Variants in CNKSR2 observed in about 807,000 individuals in gnomAD.
CNKSR2 encodes CNK homolog protein 2.
CNKSR2 carries 14 observed loss-of-function variants against 84.4 expected under a neutral mutation model. The observed-to-expected ratio is 0.17, with a 90% confidence interval of 0.11 to 0.26. CNKSR2 has a LOEUF of 0.26. Among genes scored for constraint, CNKSR2 ranks in the 10% least tolerant of loss-of-function variants. CNKSR2 has a pLI of 1.00. For missense variants in CNKSR2, 485 were observed against 771.2 expected (o/e 0.63, Z 4.40); for synonymous variants, 275 against 277.9 (o/e 0.99, Z 0.10).
chrX:21,604,264 A>T (rs1350718807), intron 18 of CNKSR2, among the ~76,000 whole-genome samples: 2 of 110,126 alleles, frequency 1.8e-5, no homozygotes, highest in Non-Finnish European at 3.8e-5. Flanking sequence ...TGAATTGAAC[A>T]ATGAGAACAC....
At chrX:21,606,308 A>G (rs932404140) in intron 18 of CNKSR2, among the ~76,000 whole-genome samples, 1 of 112,348 alleles carries the variant, frequency 8.9e-6, no homozygotes, top group South Asian at 3.7e-4. Context: ...AACTGAAGCC[A>G]GAGAAGAGAA....
In CNKSR2 at chrX:21,374,449, G is replaced by T; in HGVS notation, c.-449G>T. On this transcript the variant is annotated 5_prime_UTR_variant, in exon 1 of 22. Coordinates refer to ENST00000379510, the MANE Select transcript of CNKSR2 (RefSeq NM_014927.5). ...TCCGCCGGGCAGCTAGTCGTGCTCG[G>T]GGCTTCACTCCCGCGCGTGAGGCGA... 3.1e-6 allele frequency: 1 copy of T among 321,741 alleles called. No homozygotes were observed. The highest frequency in any genetic ancestry group is 5.5e-6 in the Non-Finnish European group (1 of 182,564). The allele number at this position is 321,741 out of a possible 1,213,427, so 26.5% of individuals were successfully genotyped here. A position where few individuals can be genotyped will look rare whatever the true frequency, so the allele number is the denominator to read the frequency against.
At chrX:21,430,977 T>C (rs2090627059) in intron 2 of CNKSR2, among the ~76,000 whole-genome samples, 1 of 112,532 alleles carries the variant, frequency 8.9e-6, no homozygotes, top group South Asian at 3.6e-4. Context: ...TATGTTATTT[T>C]AGAAAACAAA....
chrX:21,604,211 C>T (rs1306234100), intron 18 of CNKSR2, among the ~76,000 whole-genome samples: 6 of 110,644 alleles, frequency 5.4e-5, no homozygotes, highest in Non-Finnish European at 1.1e-4. Flanking sequence ...AGTATTTCAG[C>T]CTTTTCTTAG....
At chrX:21,477,216 C>T (rs1474977647) in intron 5 of CNKSR2, among the ~76,000 whole-genome samples, 1 of 112,072 alleles carries the variant, frequency 8.9e-6, no homozygotes, top group African/African-American at 3.2e-5. Context: ...TCACAAACAC[C>T]TTTTACATTA....
At chrX:21,465,735 G>A (rs1318472710) in intron 4 of CNKSR2, among the ~76,000 whole-genome samples, 2 of 110,921 alleles carry the variant, frequency 1.8e-5, no homozygotes, top group Non-Finnish European at 3.8e-5. Flanking sequence ...AATAACATAT[G>A]CACTGTTCTT....
At chrX:21,383,577 G>A (rs1402544969) in intron 1 of CNKSR2, among the ~76,000 whole-genome samples, 1 of 111,868 alleles carries the variant, frequency 8.9e-6, no homozygotes, top group African/African-American at 3.2e-5. Flanking sequence ...TGGCATTAAT[G>A]TTCTTAGAAA....
chrX:21,578,295 C>T (rs917659100), intron 13 of CNKSR2, among the ~76,000 whole-genome samples: 1 of 111,380 alleles, frequency 9.0e-6, no homozygotes, highest in Non-Finnish European at 1.9e-5. Flanking sequence ...AAGTTGTCTT[C>T]CCATGGTTTC....
intron 5 of CNKSR2, among the ~76,000 whole-genome samples, chrX:21,481,876 G>A (rs2091323624): frequency 9.0e-6 from 1 of 111,731 alleles, no homozygotes; most frequent in Admixed American, 9.5e-5. Flanking sequence ...CCACAAGGAA[G>A]TGGATTCTGC....
At chrX:21,583,769 G>C (rs1406802517) in intron 13 of CNKSR2, among the ~76,000 whole-genome samples, 1 of 111,526 alleles carries the variant, frequency 9.0e-6, no homozygotes, top group Non-Finnish European at 1.9e-5. Context: ...AAGTGCTTCT[G>C]ATAATTTGAG....
chrX:21,451,439 G>T (rs1318433230), intron 4 of CNKSR2, among the ~76,000 whole-genome samples: 1 of 110,189 alleles, frequency 9.1e-6, no homozygotes, highest in Non-Finnish European at 1.9e-5. Flanking sequence ...CAAAGACTTG[G>T]AGCCAACCCA....
At chrX:21,502,105 C>T (rs1346999865) in intron 8 of CNKSR2, among the ~76,000 whole-genome samples, 1 of 104,306 alleles carries the variant, frequency 9.6e-6, no homozygotes. Context: ...CTTTTTATTT[C>T]CTAAAAGAGG....
chrX:21,396,517 T>C (rs1481008858), intron 1 of CNKSR2, among the ~76,000 whole-genome samples: 1 of 111,327 alleles, frequency 9.0e-6, no homozygotes, highest in African/African-American at 3.3e-5. Context: ...TTAACATGTA[T>C]GGTTTTATTA....
Position 21,374,892 on chromosome X carries a change from G to C in CNKSR2, c.-6G>C, listed in dbSNP as rs904298168. ...CTGCGCTCTGCACGGAACCGACCCCGTACCCATGGCTCTGATAATGGAACC... is the reference window on the plus strand; with the variant it reads ...CTGCGCTCTGCACGGAACCGACCCCCTACCCATGGCTCTGATAATGGAACC... On this transcript the variant is annotated 5_prime_UTR_variant, in exon 1 of 22. Coordinates refer to ENST00000379510, the MANE Select transcript of CNKSR2 (RefSeq NM_014927.5). 8.3e-7 allele frequency: 1 copy of C among 1,208,002 alleles called. No individual in the cohort carries two copies. Among genetic ancestry groups the C allele is most frequent in the Non-Finnish European group, 1.1e-6 (1 of 891,721 alleles).
At chrX:21,640,138 C>T (rs186796787) in intron 20 of CNKSR2, among the ~76,000 whole-genome samples, 11 of 111,420 alleles carry the variant, frequency 9.9e-5, no homozygotes, top group Admixed American at 9.6e-4. Flanking sequence ...GGCTCTAGTT[C>T]AGTTTAGTGT....
intron 7 of CNKSR2, among the ~76,000 whole-genome samples, chrX:21,498,774 C>T (rs909361034): frequency 9.0e-6 from 1 of 111,004 alleles, no homozygotes; most frequent in African/African-American, 3.3e-5. Flanking sequence ...TTTCAGATTT[C>T]CATTCTATTA....
chrX:21,619,015 A>T (rs1032653947), intron 20 of CNKSR2, among the ~76,000 whole-genome samples: 1 of 112,301 alleles, frequency 8.9e-6, no homozygotes, highest in African/African-American at 3.2e-5. Context: ...ATAATTTTAT[A>T]AAAATTATTC....
At chrX:21,398,972 C>G (rs986640415) in intron 1 of CNKSR2, among the ~76,000 whole-genome samples, 5 of 109,808 alleles carry the variant, frequency 4.6e-5, no homozygotes, top group African/African-American at 1.7e-4. Context: ...GCGTTAACCA[C>G]TCTCAACCTA....
At chrX:21,614,997 G>A (rs1376755643) in intron 20 of CNKSR2, among the ~76,000 whole-genome samples, 1 of 112,005 alleles carries the variant, frequency 8.9e-6, no homozygotes, top group African/African-American at 3.2e-5. Context: ...TCATTGCCAA[G>A]GTTGCATCAC....
Sources: gnomAD v4.1 joint callset for allele counts (sites outside exome capture counted in the v4.1 genomes callset) on GRCh38, gnomAD v4.1.1 for gene constraint, MANE v1.5 for transcripts, NCBI Gene and HGNC (gene_info 2026-07-23, HGNC 2026-07-21) for gene names.